DEPTOR: variants seen among roughly 807,000 people sequenced by gnomAD.
The protein encoded by DEPTOR is DEP domain-containing mTOR-interacting protein.
DEPTOR carries 41 observed loss-of-function variants against 41.6 expected under a neutral mutation model. The ratio of observed to expected loss-of-function variants is 0.98; its 90% CI spans 0.77 to 1.28. The LOEUF (loss-of-function observed/expected upper bound fraction) is 1.28. Among genes scored for constraint, DEPTOR ranks in the 50% most tolerant of loss-of-function variants. The probability of loss-of-function intolerance (pLI) is 0.00; values close to 1 mark genes in which losing one functional copy is unlikely to be tolerated. For synonymous variants in DEPTOR, 195 were observed against 192.3 expected (o/e 1.01, Z -0.12); for missense variants, 514 against 527.9 (o/e 0.97, Z 0.26).
intron 1 of DEPTOR, among the ~76,000 whole-genome samples, chr8:119,876,741 T>C (rs965124607): frequency 3.3e-5 from 5 of 152,090 alleles, no homozygotes; most frequent in African/African-American, 9.7e-5. Context: ...CTGATAGATA[T>C]GTAGTAAGCA....
chr8:119,879,819 G>A (rs1448967733), intron 1 of DEPTOR, among the ~76,000 whole-genome samples: 1 of 152,066 alleles, frequency 6.6e-6, no homozygotes, highest in Non-Finnish European at 1.5e-5. Context: ...AGACCAGCCT[G>A]ACCAACATGG....
At chr8:119,901,291 C>T (rs1257339718) in intron 1 of DEPTOR, among the ~76,000 whole-genome samples, 1 of 152,118 alleles carries the variant, frequency 6.6e-6, no homozygotes, top group East Asian at 1.9e-4. Flanking sequence ...AACACAAACT[C>T]CCATTTCAGA....
chr8:119,911,929 C>T (rs1827750205), intron 1 of DEPTOR, among the ~76,000 whole-genome samples: 1 of 152,172 alleles, frequency 6.6e-6, no homozygotes, highest in African/African-American at 2.4e-5. Flanking sequence ...GTCATTTACC[C>T]TAAGCCCTGT....
At chr8:119,997,093 A>T (rs1225753447) in intron 4 of DEPTOR, among the ~76,000 whole-genome samples, 2 of 152,104 alleles carry the variant, frequency 1.3e-5, no homozygotes, top group Non-Finnish European at 2.9e-5. Flanking sequence ...TGGTTGGTTT[A>T]TTTATGATTT....
intron 8 of DEPTOR, among the ~76,000 whole-genome samples, chr8:120,020,615 T>C (rs759201425): frequency 4.6e-5 from 7 of 152,122 alleles, no homozygotes; most frequent in Admixed American, 1.3e-4. Context: ...ACGTAGGGCT[T>C]GAGTTTCTAG....
intron 1 of DEPTOR, among the ~76,000 whole-genome samples, chr8:119,879,506 G>A (rs1185178879): frequency 6.6e-6 from 1 of 152,154 alleles, no homozygotes; most frequent in Admixed American, 6.5e-5. Flanking sequence ...GAGATCAGGA[G>A]TTCCAGACCA....
intron 1 of DEPTOR, among the ~76,000 whole-genome samples, chr8:119,884,143 C>T (rs1469019671): frequency 6.6e-6 from 1 of 152,162 alleles, no homozygotes; most frequent in Non-Finnish European, 1.5e-5. Context: ...CCGCAACCTC[C>T]GGTTCCCAGG....
chr8:120,014,286 T>C (rs980471372), intron 8 of DEPTOR, among the ~76,000 whole-genome samples: 8 of 152,274 alleles, frequency 5.3e-5, no homozygotes, highest in Admixed American at 2.6e-4. Context: ...TGAAGAATTT[T>C]ATATCCAGGG....
Position 119,894,165 on chromosome 8 carries a change from C to T in DEPTOR, c.122+20197C>T, listed in dbSNP as rs528697245. 5.3e-5 allele frequency among the ~76,000 whole-genome samples: 8 copies of T among 152,120 alleles called. No homozygotes were observed. The South Asian group carries it at 1.0e-3, about 20-fold the overall frequency. On this transcript the variant is annotated intron_variant, in intron 1 of 8. Transcript: ENST00000286234. ...CTCACTGCAGCATTGACTTCCTGGG[C>T]TCAAGCGATCCTTCCACCTTAGCTT...
chr8:120,049,614 C>T lies in DEPTOR; in HGVS notation c.1140C>T (p.Val380=). 1 of 1,613,896 alleles carries T rather than the reference C, an allele frequency of 6.2e-7. No homozygotes were observed. Among genetic ancestry groups the T allele is most frequent in the South Asian group, 1.1e-5 (1 of 91,058 alleles). Residue 380 remains valine, a synonymous_variant, in exon 9 of 9, where the codon GTC becomes GTT. Coordinates refer to ENST00000286234, the MANE Select transcript of DEPTOR (RefSeq NM_022783.4). The part of the protein sequence containing the change: ...QFVVSVNGLN[V]LHVDYRTVSN... ...TCGTCTCTGTCAACGGGCTCAATGT[C>T]CTGCATGTAGACTACCGGACCGTGA...
At chr8:120,021,686 GA>G (rs1342789713) in intron 8 of DEPTOR, among the ~76,000 whole-genome samples, 1 of 152,064 alleles carries the variant, frequency 6.6e-6, no homozygotes, top group African/African-American at 2.4e-5. Flanking sequence ...TCTAGTCTTA[GA>G]AAAACTAAGT....
At chr8:119,899,700 C>A (rs796844023) in intron 1 of DEPTOR, among the ~76,000 whole-genome samples, 44 of 152,290 alleles carry the variant, frequency 2.9e-4, no homozygotes, top group African/African-American at 1.0e-3. Flanking sequence ...AACTCGCAAA[C>A]CTATTTCAAG....
At chr8:119,993,989 T>C (rs530799113) in intron 4 of DEPTOR, among the ~76,000 whole-genome samples, 1 of 151,968 alleles carries the variant, frequency 6.6e-6, no homozygotes, top group Admixed American at 6.6e-5. Context: ...AAAACCCATC[T>C]CTACTAAAAA....
At chr8:120,021,541 A>T (rs926799960) in intron 8 of DEPTOR, among the ~76,000 whole-genome samples, 3 of 152,190 alleles carry the variant, frequency 2.0e-5, no homozygotes, top group African/African-American at 7.2e-5. Flanking sequence ...CTTCTGGCTG[A>T]TTGTTGCTTA....
intron 4 of DEPTOR, among the ~76,000 whole-genome samples, chr8:119,986,444 C>T (rs563575736): frequency 6.6e-6 from 1 of 152,292 alleles, no homozygotes; most frequent in East Asian, 1.9e-4. Context: ...ACCTTTCTCT[C>T]TGGCTGCCCT....
In DEPTOR at chr8:119,985,826, C is replaced by CTTTTTTTTTTTTTTTTTT. The variant is rs999602227; in HGVS notation, c.605-15679_605-15662dup. 9.6e-5 allele frequency among the ~76,000 whole-genome samples: 4 copies of CTTTTTTTTTTTTTTTTTT among 41,634 alleles called. 1 individual carries two copies. The highest frequency in any genetic ancestry group is 4.4e-4 in the African/African-American group (4 of 9,006). The allele number at this position is 41,634 out of a possible 152,430, so 27.3% of individuals were successfully genotyped here. ...AGAGACTAGGATTGCAACCCCTGCT[C>CTTTTTTTTTTTTTTTTTT]TTTTTTTTTTTTTTTTTTTTTTTTT... is the stretch of plus-strand genomic sequence containing the variant. On this transcript the variant is annotated intron_variant, in intron 4 of 8. Coordinates refer to ENST00000286234, the MANE Select transcript of DEPTOR (RefSeq NM_022783.4).
chr8:120,039,217 G>A (rs185541434), intron 8 of DEPTOR, among the ~76,000 whole-genome samples: 15 of 152,290 alleles, frequency 9.8e-5, no homozygotes, highest in Admixed American at 9.2e-4. Context: ...GGACATAGAA[G>A]GTGCCATCTA....
intron 1 of DEPTOR, among the ~76,000 whole-genome samples, chr8:119,900,117 A>G (rs962947490): frequency 1.3e-5 from 2 of 151,900 alleles, no homozygotes; most frequent in African/African-American, 4.8e-5. Context: ...TCAGAAGTTC[A>G]AGACCAGCCT....
chr8:120,006,473 G>A (rs943205892), intron 6 of DEPTOR, among the ~76,000 whole-genome samples: 1 of 151,504 alleles, frequency 6.6e-6, no homozygotes, highest in Non-Finnish European at 1.5e-5. Context: ...GCAGTGAGCC[G>A]AGATCGCATC....
Sources: allele counts gnomAD v4.1 joint callset (sites outside exome capture counted in the v4.1 genomes callset), GRCh38; gene constraint gnomAD v4.1.1; transcripts MANE v1.5; gene names NCBI Gene and HGNC (gene_info 2026-07-23, HGNC 2026-07-21).